Variants in SPOPL observed in about 807,000 individuals in gnomAD.
SPOPL encodes speckle-type POZ protein-like.
Under a neutral mutation model 53.8 loss-of-function variants are expected in SPOPL, and 23 were observed. The ratio of observed to expected loss-of-function variants is 0.43; its 90% CI spans 0.31 to 0.61. The LOEUF (loss-of-function observed/expected upper bound fraction) is 0.61, where lower values mean the gene tolerates loss of function less well. Ranked by LOEUF, SPOPL falls within the 20% of genes least tolerant of loss-of-function variation. The pLI is 0.12. For missense variants in SPOPL, 442 were observed against 466.9 expected, an observed-to-expected ratio of 0.95 and a Z score of 0.49; for synonymous variants, 164 against 149.7, an observed-to-expected ratio of 1.10 and a Z score of -0.70.
At chr2:138,561,712 A>G (rs1685553285) in intron 8 of SPOPL, among the ~76,000 whole-genome samples, 1 of 152,244 alleles carries the variant, frequency 6.6e-6, no homozygotes, top group South Asian at 2.1e-4. Context: ...ATCAGTATTA[A>G]ATACATAGAT....
At chr2:138,568,820 C>A in intron 10 of SPOPL, 116 bp from the exon 11 acceptor site, 1 of 1,026,280 alleles carries the variant, frequency 9.7e-7, no homozygotes, top group Non-Finnish European at 1.4e-6. Flanking sequence ...GATTTGAATA[C>A]ATAGGTAAAA....
rs552232492 is a variant in SPOPL, at chr2:138,570,108, A to G, written c.*1028A>G. Reference sequence around the variant, plus strand: ...GTAGTTAAATTGGTTTGGATTACAGATATTCATTATTGAATTGACTCCTAT... The same window carrying G: ...GTAGTTAAATTGGTTTGGATTACAGGTATTCATTATTGAATTGACTCCTAT... On this transcript the variant is annotated 3_prime_UTR_variant, in exon 11 of 11. Coordinates refer to ENST00000280098, the MANE Select transcript of SPOPL (RefSeq NM_001001664.3). 5.2e-5 allele frequency: 8 copies of G among 152,440 alleles called. No homozygotes were observed. In the South Asian group the frequency reaches 1.2e-3, roughly 24 times the overall value. The allele number at this position is 152,440 out of a possible 1,614,324, so 9.4% of individuals were successfully genotyped here.
intron 1 of SPOPL, among the ~76,000 whole-genome samples, chr2:138,536,837 T>G (rs1684946535): frequency 6.6e-6 from 1 of 152,208 alleles, no homozygotes; most frequent in African/African-American, 2.4e-5. Context: ...TCCACTTCTT[T>G]CCACAGGCAA....
At chr2:138,521,448 C>T (rs962745920) in intron 1 of SPOPL, among the ~76,000 whole-genome samples, 3 of 138,816 alleles carry the variant, frequency 2.2e-5, no homozygotes, top group Non-Finnish European at 3.1e-5. Context: ...TAGATGATTT[C>T]TTGCTTTTAA....
At chr2:138,568,556 A>G (rs2104909826) in intron 10 of SPOPL, among the ~76,000 whole-genome samples, 2 of 152,290 alleles carry the variant, frequency 1.3e-5, no homozygotes, top group East Asian at 3.9e-4. Flanking sequence ...AGATAGAATT[A>G]GTAATGCATG....
chr2:138,532,689 G>T (rs543895908), intron 1 of SPOPL, among the ~76,000 whole-genome samples: 1 of 145,054 alleles, frequency 6.9e-6, no homozygotes, highest in Non-Finnish European at 1.5e-5. Context: ...TGATCTGCCC[G>T]CCTCGGCCTC....
chr2:138,547,933 A>G (rs747579675), intron 1 of SPOPL, among the ~76,000 whole-genome samples: 1 of 152,088 alleles, frequency 6.6e-6, no homozygotes, highest in Non-Finnish European at 1.5e-5. Context: ...AATTTAATAC[A>G]CTCTTAATGG....
intron 1 of SPOPL, among the ~76,000 whole-genome samples, chr2:138,540,277 G>A (rs1448950456): frequency 6.6e-6 from 1 of 152,092 alleles, no homozygotes; most frequent in African/African-American, 2.4e-5. Context: ...TTCCAATTCT[G>A]TGAAGAAAGT....
chr2:138,532,300 G>A (rs925605337), intron 1 of SPOPL, among the ~76,000 whole-genome samples: 4 of 152,084 alleles, frequency 2.6e-5, no homozygotes, highest in Non-Finnish European at 5.9e-5. Flanking sequence ...CCATGGCAGT[G>A]GCTCTGTCTG....
At chr2:138,505,139 T>C (rs1430786199) in intron 1 of SPOPL, among the ~76,000 whole-genome samples, 7 of 152,178 alleles carry the variant, frequency 4.6e-5, no homozygotes, top group Non-Finnish European at 1.0e-4. Context: ...CCTTTCTGAA[T>C]ATCTTATTTA....
chr2:138,520,482 CA>C (rs1316429691), intron 1 of SPOPL, among the ~76,000 whole-genome samples: 1 of 151,936 alleles, frequency 6.6e-6, no homozygotes, highest in African/African-American at 2.4e-5. Flanking sequence ...TAATTTTTAC[CA>C]AAAAAGGCAT....
In SPOPL at chr2:138,565,012, C is replaced by A. The variant is rs1203319856; in HGVS notation, c.1034+19C>A. On this transcript the variant is annotated intron_variant, in intron 10 of 10. Coordinates refer to ENST00000280098, the MANE Select transcript of SPOPL (RefSeq NM_001001664.3). ...ACAGCAAGTAAGATGACATCAGTTT[C>A]TGACTCAAAGTTGCTCTACATAAGT... 3.7e-6 allele frequency: 6 copies of A among 1,613,496 alleles called. No individual in the cohort carries two copies. The highest frequency in any genetic ancestry group is 5.1e-6 in the Non-Finnish European group (6 of 1,179,940).
At chr2:138,513,460 G>A (rs1684372141) in intron 1 of SPOPL, among the ~76,000 whole-genome samples, 1 of 152,184 alleles carries the variant, frequency 6.6e-6, no homozygotes, top group African/African-American at 2.4e-5. Flanking sequence ...GGCTGAGGCA[G>A]GAGCGCTTGA....
chr2:138,558,915 T>C lies in SPOPL; in HGVS notation c.481-107T>C, dbSNP rs115197235. ...ATTAGAAATTTTGATTAGGAGTACA[T>C]TGAATTATCCAAATAAGCTTAAACA... is the stretch of plus-strand genomic sequence containing the variant. On this transcript the variant is annotated intron_variant, in intron 5 of 10. Transcript: ENST00000280098. 2.8e-3 allele frequency: 2,434 copies of C among 873,772 alleles called. 48 individuals carry two copies. The African/African-American group carries it at 0.037, about 13-fold the overall frequency. The allele number at this position is 873,772 out of a possible 1,614,324, so 54.1% of individuals were successfully genotyped here. A position where few individuals can be genotyped will look rare whatever the true frequency, so the allele number is the denominator to read the frequency against.
Position 138,565,612 on chromosome 2 carries a change from A to T in SPOPL, c.1034+619A>T, listed in dbSNP as rs112243826. 6.4e-3 allele frequency among the ~76,000 whole-genome samples: 969 copies of T among 152,172 alleles called. 5 individuals carry two copies. The highest frequency in any genetic ancestry group is 0.022 in the African/African-American group (927 of 41,514). ...CTTTTATATTCTTTGTTATTATTTGAAATCACAATGGGGAAAGAAGTCAAT... is the reference window on the plus strand; with the variant it reads ...CTTTTATATTCTTTGTTATTATTTGTAATCACAATGGGGAAAGAAGTCAAT... On this transcript the variant is annotated intron_variant, in intron 10 of 10. Transcript: ENST00000280098.
chr2:138,531,031 A>T (rs1396441097), intron 1 of SPOPL, among the ~76,000 whole-genome samples: 1 of 151,838 alleles, frequency 6.6e-6, no homozygotes, highest in East Asian at 1.9e-4. Context: ...ATTTTATCAA[A>T]TGCTTTTTCT....
At chr2:138,547,847 A>G (rs764468933) in intron 1 of SPOPL, among the ~76,000 whole-genome samples, 1 of 152,150 alleles carries the variant, frequency 6.6e-6, no homozygotes, top group Admixed American at 6.5e-5. Flanking sequence ...TATAAAAGCA[A>G]TGTCTTGTTA....
At chr2:138,525,722 C>T (rs144635582) in intron 1 of SPOPL, among the ~76,000 whole-genome samples, 22 of 151,472 alleles carry the variant, frequency 1.5e-4, no homozygotes, top group African/African-American at 5.1e-4. Context: ...GCTGTATTCC[C>T]GGCTACTCAG....
intron 3 of SPOPL, 62 bp downstream of exon 3, chr2:138,550,666 A>G: frequency 6.5e-7 from 1 of 1,546,392 alleles, no homozygotes; most frequent in Non-Finnish European, 8.7e-7. Context: ...TCAGCTGCTC[A>G]TGATTTTGTT....
Sources: allele counts gnomAD v4.1 joint callset (sites outside exome capture counted in the v4.1 genomes callset), GRCh38; gene constraint gnomAD v4.1.1; transcripts MANE v1.5; gene names NCBI Gene and HGNC (gene_info 2026-07-23, HGNC 2026-07-21).